The following ITGAM variants were observed in gnomAD, a reference collection of about 807,000 sequenced individuals.
ITGAM encodes the protein integrin subunit alpha M.
In ITGAM, 79 loss-of-function variants were observed where a neutral mutation model predicts 137.5. That is an observed-to-expected ratio of 0.57 (90% CI 0.48 to 0.69). The LOEUF is 0.69. ITGAM is among the 30% of genes least tolerant of loss of function. The pLI, the probability that ITGAM is intolerant of heterozygous loss-of-function variation, is 0.00. For synonymous variants in ITGAM, 583 were observed against 592.3 expected (o/e 0.98, Z 0.23); for missense variants, 1,343 against 1,483.5 (o/e 0.91, Z 1.56).
intron 14 of ITGAM, among the ~76,000 whole-genome samples, chr16:31,320,899 C>T (rs993514012): frequency 2.6e-5 from 4 of 152,124 alleles, no homozygotes; most frequent in Non-Finnish European, 4.4e-5. Flanking sequence ...TGGGGTTGGG[C>T]GTGGCGGCTC....
intron 12 of ITGAM, among the ~76,000 whole-genome samples, chr16:31,281,985 T>G (rs970563714): frequency 1.3e-5 from 2 of 152,234 alleles, no homozygotes; most frequent in African/African-American, 4.8e-5. Flanking sequence ...TATCCAGTAG[T>G]CATTCAGGAG....
chr16:31,302,486 T>TCTTTC (rs67656550), intron 14 of ITGAM, among the ~76,000 whole-genome samples: 2 of 115,192 alleles, frequency 1.7e-5, no homozygotes, highest in African/African-American at 5.2e-5. Flanking sequence ...TTTCTTTCTT[T>TCTTTC]TTTCTTTCCT....
rs1435816807 is a variant in ITGAM, at chr16:31,331,116, C to G, written c.3277-49C>G. On this transcript the variant is annotated intron_variant, in intron 28 of 29. Coordinates refer to ENST00000544665, the MANE Select transcript of ITGAM (RefSeq NM_000632.4). ...GTGCACACGGTGTGAATGGGGAACC[C>G]CCAGAAATCCAGAGTCGTCTCCCCT... 8 of 979,448 alleles carry G rather than the reference C, an allele frequency of 8.2e-6. No individual in the cohort carries two copies. In the East Asian group the frequency reaches 1.2e-4, roughly 15 times the overall value. The allele number at this position is 979,448 out of a possible 1,614,324, so 60.7% of individuals were successfully genotyped here. A position where few individuals can be genotyped will look rare whatever the true frequency, so the allele number is the denominator to read the frequency against.
intron 22 of ITGAM, 141 bp from the exon 23 acceptor site, chr16:31,328,006 G>T: frequency 1.5e-6 from 1 of 681,388 alleles, no homozygotes; most frequent in Non-Finnish European, 2.6e-6. Context: ...GGCGGGGGCA[G>T]GGGTTGGAGA....
At chr16:31,312,956 A>G (rs900193093) in intron 14 of ITGAM, among the ~76,000 whole-genome samples, 19 of 149,598 alleles carry the variant, frequency 1.3e-4, no homozygotes, top group African/African-American at 3.9e-4. Flanking sequence ...ACAGTGGCTC[A>G]TGCCTGTAAT....
At chr16:31,279,343 C>G (rs1171581945) in intron 12 of ITGAM, among the ~76,000 whole-genome samples, 3 of 152,192 alleles carry the variant, frequency 2.0e-5, no homozygotes, top group African/African-American at 7.2e-5. Flanking sequence ...AACTAGTTTA[C>G]AGTCCCACCA....
At chr16:31,329,144 C>T (rs1010740217) in intron 23 of ITGAM, 84 bp from the exon 24 acceptor site, 17 of 603,098 alleles carry the variant, frequency 2.8e-5, no homozygotes, top group East Asian at 1.9e-4. Context: ...TGTGCCTGTT[C>T]GCTCCTTACA....
intron 20 of ITGAM, 23 bp from the exon 21 acceptor site, chr16:31,325,476 GC>G: frequency 1.2e-6 from 2 of 1,613,586 alleles, no homozygotes; most frequent in Non-Finnish European, 1.7e-6. Context: ...GGATATCACC[GC>G]CTTTGCCTCC....
At chr16:31,272,451 ATATATATATATATT>A (rs2079857053) in intron 7 of ITGAM, among the ~76,000 whole-genome samples, 1 of 12,520 alleles carries the variant, frequency 8.0e-5, no homozygotes, top group African/African-American at 3.9e-4. Flanking sequence ...ATATATATAT[ATATATATATATATT>A]TTTTTTTTTT....
intron 12 of ITGAM, 94 bp from the exon 13 acceptor site, chr16:31,297,420 C>G (rs2080145070): frequency 4.0e-6 from 6 of 1,505,280 alleles, no homozygotes; most frequent in African/African-American, 1.4e-5. Flanking sequence ...CAGAGGGATT[C>G]CCCCAGCAGG....
At chr16:31,321,687 C>A in intron 16 of ITGAM, 60 bp downstream of exon 16, 4 of 1,533,910 alleles carry the variant, frequency 2.6e-6, no homozygotes, top group Non-Finnish European at 2.7e-6. Flanking sequence ...ATGGGTGCTG[C>A]AATCCACTCT....
In ITGAM at chr16:31,332,843, C is replaced by T. The variant is rs1351543202; in HGVS notation, c.*1136C>T. The T allele has an allele frequency of 6.6e-6, 1 of 152,182 alleles. No homozygotes were observed. The highest frequency in any genetic ancestry group is 1.5e-5 in the Non-Finnish European group (1 of 68,038). 9.4% of individuals were successfully genotyped at this position (152,182 alleles called of 1,614,324 possible). A position where few individuals can be genotyped will look rare whatever the true frequency, so the allele number is the denominator to read the frequency against. ...TCATTCTCTTGTTATTGCATCAATG[C>T]TGAGTTAATAAATCAAATATATGTC... On this transcript the variant is annotated 3_prime_UTR_variant, in exon 30 of 30. Transcript: ENST00000544665.
At chr16:31,329,953 C>A in intron 25 of ITGAM, 48 bp downstream of exon 25, 1 of 1,534,770 alleles carries the variant, frequency 6.5e-7, no homozygotes, top group South Asian at 1.2e-5. Context: ...GCGTTCCTCT[C>A]ACCTCTGTTA....
intron 16 of ITGAM, among the ~76,000 whole-genome samples, chr16:31,323,523 C>T (rs774563522): frequency 6.6e-5 from 10 of 151,102 alleles, no homozygotes; most frequent in Admixed American, 2.0e-4. Context: ...TATCATTGTA[C>T]GTTATAATCA....
In ITGAM at chr16:31,331,919, A is replaced by G; in HGVS notation, c.*212A>G. The G allele has an allele frequency of 1.8e-6, 1 of 554,916 alleles. No homozygotes were observed. The highest frequency in any genetic ancestry group is 3.2e-6 in the Non-Finnish European group (1 of 314,956). 34.4% of individuals were successfully genotyped at this position (554,916 alleles called of 1,614,324 possible). On this transcript the variant is annotated 3_prime_UTR_variant, in exon 30 of 30. Transcript: ENST00000544665. ...CATGTGTGCGTGTGCGTGCATGTGC[A>G]CTTGCACGCCCATGTGTGAGTGTGT...
chr16:31,321,570 G>GGA lies in ITGAM; in HGVS notation c.1949_1950dup (p.Val651ArgfsTer16). The GGA allele has an allele frequency of 2.5e-6, 4 of 1,614,000 alleles. No individual in the cohort carries two copies. The highest frequency in any genetic ancestry group is 3.4e-6 in the Non-Finnish European group (4 of 1,179,898). ...TCAGGTGGTGAAAGGCAAGGAAGCC[G>GGA]GAGAGGTCAGAGTCTGCCTCCATGT... On this transcript the variant is annotated frameshift_variant, in exon 16 of 30. Coordinates refer to ENST00000544665, the MANE Select transcript of ITGAM (RefSeq NM_000632.4). LOFTEE classifies it high-confidence loss of function.
chr16:31,311,842 T>G (rs1221441037), intron 14 of ITGAM, among the ~76,000 whole-genome samples: 7 of 152,108 alleles, frequency 4.6e-5, no homozygotes, highest in Admixed American at 4.6e-4. Context: ...ATACAAGTGT[T>G]TATTGCGGCA....
intron 14 of ITGAM, among the ~76,000 whole-genome samples, chr16:31,301,351 A>G (rs2080195342): frequency 6.6e-6 from 1 of 152,128 alleles, no homozygotes; most frequent in African/African-American, 2.4e-5. Context: ...TCTTGGCATT[A>G]TTTAGGAGAA....
intron 8 of ITGAM, among the ~76,000 whole-genome samples, chr16:31,274,184 C>G (rs1363914840): frequency 6.6e-6 from 1 of 152,198 alleles, no homozygotes; most frequent in South Asian, 2.1e-4. Context: ...ATCCTGTTCC[C>G]TCAGACACTC....
Sources: gnomAD v4.1 joint callset for allele counts (sites outside exome capture counted in the v4.1 genomes callset) on GRCh38, gnomAD v4.1.1 for gene constraint, MANE v1.5 for transcripts, NCBI Gene and HGNC (gene_info 2026-07-23, HGNC 2026-07-21) for gene names.